VTI1A: variants seen among roughly 807,000 people sequenced by gnomAD.
The protein encoded by VTI1A is vesicle transport through interaction with t-SNAREs 1A, also known as vesicle transport through interaction with t-SNAREs homolog 1A.
VTI1A carries 22 observed loss-of-function variants against 34.9 expected under a neutral mutation model. That is an observed-to-expected ratio of 0.63 (90% CI 0.45 to 0.90). The LOEUF (loss-of-function observed/expected upper bound fraction) is 0.90. Among genes scored for constraint, VTI1A ranks in the 40% least tolerant of loss-of-function variants. The probability of loss-of-function intolerance (pLI) is 0.00; values close to 1 mark genes in which losing one functional copy is unlikely to be tolerated. For synonymous variants in VTI1A, 87 were observed against 97.3 expected, an observed-to-expected ratio of 0.89 and a Z score of 0.62; for missense variants, 268 against 275.6, an observed-to-expected ratio of 0.97 and a Z score of 0.20.
At chr10:112,751,543 C>T (rs989101502) in intron 7 of VTI1A, among the ~76,000 whole-genome samples, 2 of 150,872 alleles carry the variant, frequency 1.3e-5, no homozygotes, top group African/African-American at 4.9e-5. Flanking sequence ...GACAGCTGCC[C>T]ACATCTCATG....
intron 5 of VTI1A, among the ~76,000 whole-genome samples, chr10:112,603,218 G>T (rs1844943741): frequency 1.3e-5 from 2 of 152,212 alleles, no homozygotes; most frequent in Admixed American, 6.5e-5. Flanking sequence ...GCAAGCATGA[G>T]TATAACAAGC....
the VTI1A span, among the ~76,000 whole-genome samples, chr10:112,849,670 C>T: frequency 3.9e-5 from 6 of 152,230 alleles, no homozygotes; most frequent in African/African-American, 1.4e-4. Flanking sequence ...GAGGGACTGA[C>T]AGAAACATGG....
chr10:112,753,606 T>C (rs1851179843), intron 7 of VTI1A, among the ~76,000 whole-genome samples: 1 of 152,146 alleles, frequency 6.6e-6, no homozygotes, highest in Admixed American at 6.5e-5. Context: ...GAGATATAAT[T>C]TGGTGATGAA....
At chr10:112,517,169 A>G (rs1294630142) in intron 3 of VTI1A, among the ~76,000 whole-genome samples, 1 of 152,010 alleles carries the variant, frequency 6.6e-6, no homozygotes, top group Non-Finnish European at 1.5e-5. Context: ...AGAGAAGCAC[A>G]ATTCCTCCAA....
intron 7 of VTI1A, among the ~76,000 whole-genome samples, chr10:112,750,766 T>G (rs949334053): frequency 6.6e-6 from 1 of 152,226 alleles, no homozygotes; most frequent in African/African-American, 2.4e-5. Flanking sequence ...ATATGTACAC[T>G]AAGTCTCCTG....
At chr10:112,640,324 T>G (rs978385105) in intron 5 of VTI1A, among the ~76,000 whole-genome samples, 1 of 152,176 alleles carries the variant, frequency 6.6e-6, no homozygotes, top group African/African-American at 2.4e-5. Flanking sequence ...GAGTAAAACA[T>G]GGGTGTTTAA....
rs1276491641 is a variant in VTI1A at position 112,767,079 on chromosome 10, A to G, written c.561-48211A>G. Among the ~76,000 whole-genome samples, 1 of 152,242 alleles carries G rather than the reference A, an allele frequency of 6.6e-6. No homozygotes were observed. The highest frequency in any genetic ancestry group is 1.5e-5 in the Non-Finnish European group (1 of 68,044). On this transcript the variant is annotated intron_variant, in intron 7 of 7. Transcript: ENST00000393077. This position sits in a 1 kb window ranked among gnomAD's most constrained non-coding sequence, Gnocchi z 4.0. ...TGTGAGTTTTTATTCTTTAAAAGGGAAATGATTTCATCAGCTTCCCAATCT... is the reference window on the plus strand; with the variant it reads ...TGTGAGTTTTTATTCTTTAAAAGGGGAATGATTTCATCAGCTTCCCAATCT...
At chr10:112,778,062 A>G (rs1852003224) in intron 7 of VTI1A, among the ~76,000 whole-genome samples, 1 of 152,110 alleles carries the variant, frequency 6.6e-6, no homozygotes, top group Non-Finnish European at 1.5e-5. Context: ...AGATCGTGCC[A>G]TTGCACTCCA....
At chr10:112,791,830 T>C (rs1230431159) in intron 7 of VTI1A, among the ~76,000 whole-genome samples, 1 of 34,778 alleles carries the variant, frequency 2.9e-5, no homozygotes, top group Non-Finnish European at 5.5e-5. Flanking sequence ...TTAAACAATA[T>C]AACTTTTTTT....
At chr10:112,708,824 T>C (rs1469608979) in intron 7 of VTI1A, among the ~76,000 whole-genome samples, 1 of 152,260 alleles carries the variant, frequency 6.6e-6, no homozygotes, top group East Asian at 1.9e-4. Context: ...CCTTTCCCAC[T>C]TCGCCGTTTG....
rs964933289 is a variant in VTI1A at position 112,818,739 on chromosome 10, G to C, written c.*3356G>C. On this transcript the variant is annotated 3_prime_UTR_variant, in exon 8 of 8. Transcript: ENST00000393077. ...CAAATTGCATTAAACAACTGTTAAG[G>C]GCTAATGATTTGTTTATCGCTTTTT... is the stretch of plus-strand genomic sequence containing the variant. The C allele has an allele frequency of 5.2e-6, 1 of 193,698 alleles. No homozygotes were observed. Among genetic ancestry groups the C allele is most frequent in the African/African-American group, 2.3e-5 (1 of 43,008 alleles). The allele number at this position is 193,698 out of a possible 1,614,324, so 12.0% of individuals were successfully genotyped here. A position where few individuals can be genotyped will look rare whatever the true frequency, so the allele number is the denominator to read the frequency against.
chr10:112,777,878 G>A (rs1851997198), intron 7 of VTI1A, among the ~76,000 whole-genome samples: 1 of 152,184 alleles, frequency 6.6e-6, no homozygotes, highest in Admixed American at 6.5e-5. Flanking sequence ...CGAGACAGGT[G>A]GATCACCTGA....
chr10:112,595,873 T>C (rs1844614966), intron 5 of VTI1A, among the ~76,000 whole-genome samples: 1 of 152,178 alleles, frequency 6.6e-6, no homozygotes, highest in Admixed American at 6.5e-5. Flanking sequence ...GTATGTTTAT[T>C]GTGGCACTAT....
chr10:112,634,112 C>G (rs1243801356), intron 5 of VTI1A: 1 of 153,192 alleles, frequency 6.5e-6, no homozygotes, highest in Admixed American at 6.5e-5. Context: ...ACCTTTATTT[C>G]TCCTCAGTCT....
At chr10:112,656,948 G>A (rs1847253514) in intron 5 of VTI1A, among the ~76,000 whole-genome samples, 2 of 152,044 alleles carry the variant, frequency 1.3e-5, no homozygotes, top group Non-Finnish European at 2.9e-5. Flanking sequence ...TAGTTATCGC[G>A]ACATCAGGTT....
At chr10:112,452,667 A>G (rs889256783) in intron 1 of VTI1A, among the ~76,000 whole-genome samples, 14 of 149,160 alleles carry the variant, frequency 9.4e-5, no homozygotes, top group Non-Finnish European at 1.3e-4. Context: ...CTATAGATCT[A>G]TATATCTGTA....
chr10:112,590,417 G>A (rs993822345), intron 5 of VTI1A, among the ~76,000 whole-genome samples: 6 of 152,128 alleles, frequency 3.9e-5, no homozygotes, highest in African/African-American at 1.4e-4. Flanking sequence ...TGCAGGCTGG[G>A]CACAGTGACT....
chr10:112,756,878 C>A (rs965076272), intron 7 of VTI1A, among the ~76,000 whole-genome samples: 1 of 151,974 alleles, frequency 6.6e-6, no homozygotes, highest in African/African-American at 2.4e-5. Context: ...AAAACCCTGT[C>A]TCTACAAAAA....
intron 7 of VTI1A, among the ~76,000 whole-genome samples, chr10:112,697,405 T>C (rs1387235680): frequency 6.7e-6 from 1 of 149,322 alleles, no homozygotes; most frequent in African/African-American, 2.5e-5. Context: ...TTTTCTTTTT[T>C]TTTTTTTTTT....
Sources: allele counts gnomAD v4.1 joint callset (sites outside exome capture counted in the v4.1 genomes callset), GRCh38; gene constraint gnomAD v4.1.1; non-coding constraint Gnocchi (gnomAD v3.1); transcripts MANE v1.5; gene names NCBI Gene and HGNC (gene_info 2026-07-23, HGNC 2026-07-21).